The following CC2D2B variants were observed in gnomAD, a reference collection of about 807,000 sequenced individuals.
The protein encoded by CC2D2B is coiled-coil and C2 domain containing 2B.
CC2D2B carries 128 observed loss-of-function variants against 161.2 expected under a neutral mutation model. That is an observed-to-expected ratio of 0.79 (90% CI 0.69 to 0.92). The LOEUF is 0.92. CC2D2B is among the 40% of genes least tolerant of loss of function. CC2D2B has a pLI of 0.00. For synonymous variants in CC2D2B, 391 were observed against 449.8 expected, an observed-to-expected ratio of 0.87 and a Z score of 1.65; for missense variants, 1,173 against 1,375.1, an observed-to-expected ratio of 0.85 and a Z score of 2.32.
At chr10:95,985,546 G>T (rs958157496) in intron 19 of CC2D2B, among the ~76,000 whole-genome samples, 2 of 152,184 alleles carry the variant, frequency 1.3e-5, no homozygotes, top group South Asian at 4.2e-4. Context: ...TCTTAATCCT[G>T]TCATCTTCAT....
intron 9 of CC2D2B, among the ~76,000 whole-genome samples, chr10:95,943,299 A>G (rs2076085874): frequency 6.6e-6 from 1 of 152,162 alleles, no homozygotes; most frequent in African/African-American, 2.4e-5. Flanking sequence ...TCTCTCTGCT[A>G]TCTCCCACAC....
At chr10:95,978,115 A>G (rs2077384330) in intron 17 of CC2D2B, among the ~76,000 whole-genome samples, 1 of 152,204 alleles carries the variant, frequency 6.6e-6, no homozygotes, top group Non-Finnish European at 1.5e-5. Flanking sequence ...AGAAACTGCC[A>G]TTTGAGCCAT....
In CC2D2B at chr10:95,938,722, A is replaced by C; in HGVS notation, c.672+17A>C. On this transcript the variant is annotated intron_variant, in intron 8 of 34. Coordinates refer to ENST00000646931, the MANE Select transcript of CC2D2B (RefSeq NM_001349008.3). ...CTAGAAGAGGCAAGTGCACCACCTA[A>C]CAAGTTAAAACACTGGCTACTATGT... The C allele has an allele frequency of 1.4e-6, 1 of 705,182 alleles. No homozygotes were observed. The highest frequency in any genetic ancestry group is 2.6e-6 in the Non-Finnish European group (1 of 381,496). 43.7% of individuals were successfully genotyped at this position (705,182 alleles called of 1,614,324 possible).
intron 20 of CC2D2B, among the ~76,000 whole-genome samples, chr10:95,989,281 C>T (rs1354732232): frequency 2.6e-5 from 4 of 152,148 alleles, no homozygotes; most frequent in South Asian, 4.1e-4. Context: ...TTTACAAAAA[C>T]GGACAATATT....
chr10:95,926,854 G>GTGTGTGTC (rs2098540155), intron 5 of CC2D2B, among the ~76,000 whole-genome samples: 1 of 149,002 alleles, frequency 6.7e-6, no homozygotes, highest in Non-Finnish European at 1.5e-5. Context: ...GTGTCTGTGT[G>GTGTGTGTC]TGTGTGTGTG....
intron 21 of CC2D2B, among the ~76,000 whole-genome samples, chr10:95,992,224 T>C (rs974953128): frequency 6.6e-6 from 1 of 152,340 alleles, no homozygotes; most frequent in African/African-American, 2.4e-5. Context: ...GAACAATGAA[T>C]AATCTTCCAA....
chr10:95,988,369 T>C, intron 20 of CC2D2B, 27 bp downstream of exon 20: 1 of 1,098,118 alleles, frequency 9.1e-7, no homozygotes, highest in African/African-American at 1.6e-5. Context: ...ATCAATATAT[T>C]TGCATTTGTT....
At chr10:96,000,076 G>A (rs1392778960) in intron 24 of CC2D2B, 5 of 1,486,712 alleles carry the variant, frequency 3.4e-6, no homozygotes, top group South Asian at 1.2e-5. Flanking sequence ...TTTTGCCGTG[G>A]TAACACCTGT....
chr10:96,024,110 T>A (rs747800568), intron 32 of CC2D2B, among the ~76,000 whole-genome samples: 5 of 152,182 alleles, frequency 3.3e-5, no homozygotes, highest in Non-Finnish European at 7.4e-5. Context: ...GAGGGTTGGG[T>A]TGGCAAGGAA....
At chr10:95,909,605 C>T (rs1397366380) in intron 1 of CC2D2B, among the ~76,000 whole-genome samples, 1 of 151,950 alleles carries the variant, frequency 6.6e-6, no homozygotes, top group African/African-American at 2.4e-5. Context: ...CTAACAAGAG[C>T]CAGGGGAAGA....
chr10:95,946,291 C>T (rs1373894901), intron 9 of CC2D2B, among the ~76,000 whole-genome samples: 2 of 152,140 alleles, frequency 1.3e-5, no homozygotes, highest in African/African-American at 4.8e-5. Context: ...AGATATTCCA[C>T]CACCTCATTT....
intron 9 of CC2D2B, among the ~76,000 whole-genome samples, chr10:95,945,909 C>T (rs1044413311): frequency 6.6e-6 from 1 of 151,714 alleles, no homozygotes; most frequent in East Asian, 1.9e-4. Flanking sequence ...CTTAGCCTCC[C>T]GAGTAGCTGG....
chr10:95,941,424 A>C (rs1015759580), intron 9 of CC2D2B, among the ~76,000 whole-genome samples: 1 of 152,202 alleles, frequency 6.6e-6, no homozygotes, highest in Non-Finnish European at 1.5e-5. Flanking sequence ...AATGGGAGAA[A>C]ATATTTGCAA....
intron 27 of CC2D2B, 59 bp from the exon 28 acceptor site, chr10:96,012,473 G>A: frequency 8.0e-7 from 1 of 1,244,118 alleles, no homozygotes; most frequent in East Asian, 2.3e-5. Context: ...ATTGGTTCTT[G>A]ATATTTTCTT....
At chr10:95,951,911 C>A (rs1490054871) in intron 10 of CC2D2B, among the ~76,000 whole-genome samples, 1 of 151,678 alleles carries the variant, frequency 6.6e-6, no homozygotes, top group African/African-American at 2.4e-5. Flanking sequence ...TCAATTTATT[C>A]TCTTATGTGA....
rs2077612769 is a variant in CC2D2B at position 95,983,593 on chromosome 10, T to C, written c.2083-13T>C. The C allele has an allele frequency of 1.7e-6, 2 of 1,200,202 alleles. No homozygotes were observed. The highest frequency in any genetic ancestry group is 3.1e-5 in the African/African-American group (2 of 63,860). The allele number at this position is 1,200,202 out of a possible 1,614,324, so 74.3% of individuals were successfully genotyped here. On this transcript the variant is annotated splice_polypyrimidine_tract_variant and intron_variant, in intron 18 of 34. Transcript: ENST00000646931. Reference sequence around the variant, plus strand: ...AAAATTAATATTTTAACTAAAGACTTTGCGTTTTACAGTACATGAGACTTA... The same window carrying C: ...AAAATTAATATTTTAACTAAAGACTCTGCGTTTTACAGTACATGAGACTTA...
intron 32 of CC2D2B, among the ~76,000 whole-genome samples, chr10:96,022,105 G>T (rs556245430): frequency 9.9e-5 from 15 of 152,220 alleles, no homozygotes; most frequent in Admixed American, 8.5e-4. Flanking sequence ...ATCACTTGAG[G>T]TCTGGAGTTT....
At chr10:95,927,381 G>T (rs2141200466) in intron 6 of CC2D2B, 49 bp downstream of exon 6, 7 of 1,002,800 alleles carry the variant, frequency 7.0e-6, no homozygotes, top group Non-Finnish European at 7.6e-6. Context: ...AGGAAAAAAT[G>T]ATTCTTTATT....
At chr10:95,935,883 A>G (rs2075803285) in intron 6 of CC2D2B, among the ~76,000 whole-genome samples, 1 of 152,114 alleles carries the variant, frequency 6.6e-6, no homozygotes, top group Non-Finnish European at 1.5e-5. Context: ...AACACTTATC[A>G]CCACTTAATG....
Sources: allele counts gnomAD v4.1 joint callset (sites outside exome capture counted in the v4.1 genomes callset), GRCh38; gene constraint gnomAD v4.1.1; transcripts MANE v1.5; gene names NCBI Gene and HGNC (gene_info 2026-07-23, HGNC 2026-07-21).